Variants in LARP1 observed in about 807,000 individuals in gnomAD.
LARP1 encodes La ribonucleoprotein 1, translational regulator.
A neutral mutation model predicts 122.7 loss-of-function variants in LARP1; 36 were observed. The observed-to-expected ratio is 0.29, with a 90% CI of 0.22 to 0.39. The LOEUF is 0.39. Ranked by LOEUF, LARP1 falls within the 10% of genes least tolerant of loss-of-function variation. LARP1 has a pLI of 1.00. For synonymous variants in LARP1, 539 were observed against 528.7 expected, an observed-to-expected ratio of 1.02 and a Z score of -0.27; for missense variants, 1,040 against 1,403.6, an observed-to-expected ratio of 0.74 and a Z score of 4.14.
chr5:154,743,754 G>C (rs536586724), intron 1 of LARP1, among the ~76,000 whole-genome samples: 1 of 151,598 alleles, frequency 6.6e-6, no homozygotes, highest in African/African-American at 2.4e-5. Flanking sequence ...CAAGTAGTTG[G>C]GATTACAGGC....
intron 1 of LARP1, among the ~76,000 whole-genome samples, chr5:154,707,132 G>T (rs1444314505): frequency 1.3e-5 from 2 of 152,034 alleles, no homozygotes; most frequent in Non-Finnish European, 2.9e-5. Context: ...CTCAAAAGTT[G>T]TAGGGCCTGG....
chr5:154,795,080 T>G, intron 7 of LARP1, 95 bp from the exon 8 acceptor site: 10 of 1,211,984 alleles, frequency 8.3e-6, no homozygotes, highest in Non-Finnish European at 1.2e-5. Flanking sequence ...AGAGGCTGTG[T>G]GAGATTGCTG....
intron 1 of LARP1, among the ~76,000 whole-genome samples, chr5:154,719,155 G>A (rs1455045555): frequency 6.6e-6 from 1 of 152,198 alleles, no homozygotes; most frequent in African/African-American, 2.4e-5. Context: ...CCTAGCCTGA[G>A]CCCTGCCAGC....
chr5:154,692,236 A>G (rs574144066), intron 1 of LARP1, among the ~76,000 whole-genome samples: 12 of 152,186 alleles, frequency 7.9e-5, no homozygotes, highest in Non-Finnish European at 1.5e-4. Context: ...ACCTTAAGGA[A>G]GTGCTTAGAG....
Position 154,795,149 on chromosome 5 carries a change from G to T in LARP1, c.1233-26G>T, listed in dbSNP as rs771994135. The T allele has an allele frequency of 3.1e-6, 5 of 1,611,028 alleles. No individual in the cohort carries two copies. In the South Asian group the frequency reaches 5.5e-5, roughly 18 times the overall value. ...AAAACTGATGCACCAATCCCTCGGT[G>T]ATAACTACTTCTTCCCTCCACTTAG... is the stretch of plus-strand genomic sequence containing the variant. On this transcript the variant is annotated intron_variant, in intron 7 of 18. Coordinates refer to ENST00000518297, the MANE Select transcript of LARP1 (RefSeq NM_033551.3).
chr5:154,774,280 A>T (rs1755679950), intron 1 of LARP1, among the ~76,000 whole-genome samples: 1 of 152,198 alleles, frequency 6.6e-6, no homozygotes, highest in East Asian at 1.9e-4. Context: ...GGATGGATCC[A>T]GGGAAGCCAG....
chr5:154,730,056 T>G (rs1424272958), intron 1 of LARP1, among the ~76,000 whole-genome samples: 1 of 152,216 alleles, frequency 6.6e-6, no homozygotes, highest in African/African-American at 2.4e-5. Flanking sequence ...TCATAAATTT[T>G]AAGCCCTAAA....
intron 8 of LARP1, among the ~76,000 whole-genome samples, chr5:154,799,142 G>C (rs1242620050): frequency 1.3e-5 from 2 of 152,210 alleles, no homozygotes; most frequent in African/African-American, 4.8e-5. Context: ...GATTATAGAC[G>C]TGAGCCACCA....
At chr5:154,781,038 C>G (rs1028301971) in intron 1 of LARP1, among the ~76,000 whole-genome samples, 1 of 152,092 alleles carries the variant, frequency 6.6e-6, no homozygotes, top group Non-Finnish European at 1.5e-5. Flanking sequence ...CACTGCACTC[C>G]AGCCTAGGTG....
At chr5:154,706,172 A>G (rs904509893) in intron 1 of LARP1, among the ~76,000 whole-genome samples, 3 of 152,042 alleles carry the variant, frequency 2.0e-5, no homozygotes, top group African/African-American at 7.2e-5. Flanking sequence ...GCAGGGACCT[A>G]TAATCCCAGC....
At chr5:154,770,559 A>G (rs574540673) in intron 1 of LARP1, among the ~76,000 whole-genome samples, 2 of 152,236 alleles carry the variant, frequency 1.3e-5, no homozygotes, top group African/African-American at 4.8e-5. Flanking sequence ...GAATAGCCTG[A>G]GACACAGGCA....
At chr5:154,747,847 G>C (rs915886515) in intron 1 of LARP1, among the ~76,000 whole-genome samples, 1 of 151,992 alleles carries the variant, frequency 6.6e-6, no homozygotes, top group African/African-American at 2.4e-5. Context: ...CTGGGCGACA[G>C]AGTGAGACTC....
At chr5:154,740,118 G>A (rs150141186) in intron 1 of LARP1, among the ~76,000 whole-genome samples, 3,856 of 149,996 alleles carry the variant, frequency 0.026, 109 homozygotes, top group South Asian at 0.092. Context: ...ATAGCTGGGC[G>A]CGGTGGCTCA....
intron 8 of LARP1, 45 bp from the exon 9 acceptor site, chr5:154,799,546 C>A: frequency 1.2e-6 from 2 of 1,600,238 alleles, no homozygotes; most frequent in East Asian, 2.2e-5. Context: ...ATCTTTCTGT[C>A]CAAGATTTTC....
rs1055565976 is a variant in LARP1 at position 154,806,141 on chromosome 5, C to G, written c.2698+109C>G. On this transcript the variant is annotated intron_variant, in intron 15 of 18. Coordinates refer to ENST00000518297, the MANE Select transcript of LARP1 (RefSeq NM_033551.3). ...GTGACTCTTTTCTCTGACTTCAGAG[C>G]AAAAAAAAGACATGACATTATAGCA... 4.7e-5 allele frequency: 54 copies of G among 1,153,064 alleles called. No individual in the cohort carries two copies. The African/African-American group carries it at 7.7e-4, about 17-fold the overall frequency. The allele number at this position is 1,153,064 out of a possible 1,614,324, so 71.4% of individuals were successfully genotyped here. A position where few individuals can be genotyped will look rare whatever the true frequency, so the allele number is the denominator to read the frequency against.
chr5:154,758,988 T>C (rs991287343), intron 1 of LARP1, among the ~76,000 whole-genome samples: 6 of 152,208 alleles, frequency 3.9e-5, no homozygotes, highest in Non-Finnish European at 8.8e-5. Context: ...TGTCTTATCC[T>C]AGCCATACCC....
chr5:154,709,235 T>C (rs1157321170), upstream of LARP1, among the ~76,000 whole-genome samples: 1 of 152,248 alleles, frequency 6.6e-6, no homozygotes, highest in Non-Finnish European at 1.5e-5. Flanking sequence ...AGTTAGCCAC[T>C]AAGAATGATG....
intron 4 of LARP1, 97 bp downstream of exon 4, chr5:154,792,893 C>T (rs2113779274): frequency 8.3e-7 from 1 of 1,211,586 alleles, no homozygotes. Flanking sequence ...TAGGTGCCAC[C>T]TCTGAAAAGT....
chr5:154,726,272 T>TC (rs1456929584), intron 1 of LARP1, among the ~76,000 whole-genome samples: 2 of 152,214 alleles, frequency 1.3e-5, no homozygotes, highest in African/African-American at 4.8e-5. Context: ...TACTTAGGTG[T>TC]AAATGCCTAG....
Sources: allele counts gnomAD v4.1 joint callset (sites outside exome capture counted in the v4.1 genomes callset), GRCh38; gene constraint gnomAD v4.1.1; transcripts MANE v1.5; gene names NCBI Gene and HGNC (gene_info 2026-07-23, HGNC 2026-07-21).